The following SLC24A3 variants were observed in gnomAD, a reference collection of about 807,000 sequenced individuals.
SLC24A3 encodes solute carrier family 24 member 3.
In SLC24A3, 28 loss-of-function variants were observed where a neutral mutation model predicts 75.8. The ratio of observed to expected loss-of-function variants is 0.37; its 90% CI spans 0.27 to 0.51. The LOEUF (loss-of-function observed/expected upper bound fraction) is 0.51. SLC24A3 is among the 20% of genes least tolerant of loss of function. The pLI is 0.94. For synonymous variants in SLC24A3, 372 were observed against 334.1 expected (o/e 1.11, Z -1.24); for missense variants, 663 against 847.8 (o/e 0.78, Z 2.71).
chr20:19,648,075 C>T, intron 6 of SLC24A3, among the ~76,000 whole-genome samples: 1 of 152,132 alleles, frequency 6.6e-6, no homozygotes, highest in East Asian at 1.9e-4. Flanking sequence ...AAAACAGGAG[C>T]CATTTGTATT....
intron 6 of SLC24A3, among the ~76,000 whole-genome samples, chr20:19,591,004 T>A (rs1181058519): frequency 6.6e-6 from 1 of 152,124 alleles, no homozygotes; most frequent in Non-Finnish European, 1.5e-5. Context: ...TCTTGCACTG[T>A]CCCCTCATAG....
chr20:19,296,268 C>CTTT (rs35229035), intron 2 of SLC24A3, among the ~76,000 whole-genome samples: 1,029 of 72,276 alleles, frequency 0.014, 108 homozygotes, highest in African/African-American at 0.034. Flanking sequence ...AGCTAGTGGT[C>CTTT]TTTTTTTTTT....
intron 2 of SLC24A3, among the ~76,000 whole-genome samples, chr20:19,472,042 G>A (rs1005721632): frequency 1.3e-5 from 2 of 152,192 alleles, no homozygotes; most frequent in African/African-American, 2.4e-5. Flanking sequence ...TTAATGTACT[G>A]TTTCTTTTAA....
At chr20:19,712,782 G>A (rs373800530) in intron 15 of SLC24A3, among the ~76,000 whole-genome samples, 43 of 152,328 alleles carry the variant, frequency 2.8e-4, no homozygotes, top group African/African-American at 8.9e-4. Flanking sequence ...TAAACACACC[G>A]TGGCATATTT....
chr20:19,673,903 C>G (rs1237071512), intron 9 of SLC24A3, among the ~76,000 whole-genome samples: 2 of 152,178 alleles, frequency 1.3e-5, no homozygotes, highest in East Asian at 3.9e-4. Context: ...TCTCTAGAAC[C>G]CCTAATCTCT....
intron 2 of SLC24A3, among the ~76,000 whole-genome samples, chr20:19,326,775 G>T (rs1457405302): frequency 1.3e-5 from 2 of 151,964 alleles, no homozygotes; most frequent in Admixed American, 6.5e-5. Flanking sequence ...TAGCGACAAG[G>T]TCTCACTGTG....
chr20:19,600,067 G>A (rs1433441248), intron 6 of SLC24A3, among the ~76,000 whole-genome samples: 10 of 152,156 alleles, frequency 6.6e-5, no homozygotes. Flanking sequence ...GAAGGCCCGT[G>A]GGGGTCATTC....
chr20:19,679,500 A>ACGGAGAGGGAGACCGTG lies in SLC24A3; in HGVS notation c.768-2357_768-2341dup, dbSNP rs1351851676. ...CATCAGAGGGAGACCGTGGAAAGAGACGGAGAGGGAGACCGTGGGGAGAGG... is the reference window on the plus strand; with the variant it reads ...CATCAGAGGGAGACCGTGGAAAGAGACGGAGAGGGAGACCGTGCGGAGAGGGAGACCGTGGGGAGAGG... On this transcript the variant is annotated intron_variant, in intron 9 of 16. Transcript: ENST00000328041. Among the ~76,000 whole-genome samples, 207 of 55,814 alleles carry ACGGAGAGGGAGACCGTG rather than the reference A, an allele frequency of 3.7e-3. 2 individuals are homozygous for ACGGAGAGGGAGACCGTG. The highest frequency in any genetic ancestry group is 7.7e-3 in the Non-Finnish European group (162 of 20,982). 36.6% of individuals were successfully genotyped at this position (55,814 alleles called of 152,430 possible).
intron 2 of SLC24A3, among the ~76,000 whole-genome samples, chr20:19,339,715 A>G (rs1404623954): frequency 6.6e-6 from 1 of 152,188 alleles, no homozygotes; most frequent in Non-Finnish European, 1.5e-5. Context: ...CAACCAGGAG[A>G]TAGGGTACCA....
intron 6 of SLC24A3, among the ~76,000 whole-genome samples, chr20:19,597,492 A>G (rs1290461659): frequency 6.6e-6 from 1 of 152,220 alleles, no homozygotes; most frequent in Non-Finnish European, 1.5e-5. Flanking sequence ...ATTTTATTAC[A>G]TGCATAGAAT....
intron 1 of SLC24A3, among the ~76,000 whole-genome samples, chr20:19,222,952 AT>A (rs984825799): frequency 6.6e-6 from 1 of 151,946 alleles, no homozygotes; most frequent in African/African-American, 2.4e-5. Context: ...CCTTTTTTTA[AT>A]TGAAAAATTT....
chr20:19,640,141 A>T (rs989021497), intron 6 of SLC24A3, among the ~76,000 whole-genome samples: 3 of 152,248 alleles, frequency 2.0e-5, no homozygotes, highest in African/African-American at 7.2e-5. Context: ...GCCCAGGCAG[A>T]GGAGGCGCGG....
intron 12 of SLC24A3, among the ~76,000 whole-genome samples, chr20:19,687,430 G>A (rs770608275): frequency 7.2e-5 from 11 of 152,176 alleles, no homozygotes; most frequent in Non-Finnish European, 1.5e-4. Flanking sequence ...AGAATCACGA[G>A]GCTGATAGCT....
intron 2 of SLC24A3, among the ~76,000 whole-genome samples, chr20:19,391,934 T>C (rs1986373437): frequency 2.0e-5 from 3 of 152,184 alleles, no homozygotes; most frequent in Admixed American, 2.0e-4. Context: ...GCAAGCAGTG[T>C]CTCCGAATCT....
chr20:19,294,471 C>T (rs1352484407), intron 2 of SLC24A3, among the ~76,000 whole-genome samples: 1 of 151,998 alleles, frequency 6.6e-6, no homozygotes, highest in Non-Finnish European at 1.5e-5. Flanking sequence ...TGTGTTGTTC[C>T]CTTCCCCGTT....
At chr20:19,534,430 T>TTTTGTTTTGTTTTCTTTTGTTTTGA (rs373019537) in intron 3 of SLC24A3, among the ~76,000 whole-genome samples, 1 of 150,596 alleles carries the variant, frequency 6.6e-6, no homozygotes, top group East Asian at 1.9e-4. Context: ...TTTTGTTTTG[T>TTTTGTTTTGTTTTCTTTTGTTTTGA]GACGGAGTCT....
intron 2 of SLC24A3, among the ~76,000 whole-genome samples, chr20:19,487,010 T>C (rs889714706): frequency 3.3e-5 from 5 of 152,256 alleles, no homozygotes; most frequent in African/African-American, 1.2e-4. Context: ...GATTGGATTC[T>C]GGTTCCAGGT....
chr20:19,340,476 A>G (rs1463290987), intron 2 of SLC24A3, among the ~76,000 whole-genome samples: 1 of 152,208 alleles, frequency 6.6e-6, no homozygotes, highest in Non-Finnish European at 1.5e-5. Flanking sequence ...TAAGCCAATC[A>G]GTCTGTGGTA....
intron 6 of SLC24A3, among the ~76,000 whole-genome samples, chr20:19,634,178 T>C (rs2031971520): frequency 1.3e-5 from 2 of 152,162 alleles, no homozygotes; most frequent in Non-Finnish European, 2.9e-5. Flanking sequence ...TATGTGCTAT[T>C]TAAAGGGAAG....
Sources: allele counts gnomAD v4.1 joint callset (sites outside exome capture counted in the v4.1 genomes callset), GRCh38; gene constraint gnomAD v4.1.1; transcripts MANE v1.5; gene names NCBI Gene and HGNC (gene_info 2026-07-23, HGNC 2026-07-21).